Variants in ZNF423 observed in about 807,000 individuals in gnomAD.
ZNF423 encodes the protein zinc finger protein 423.
A neutral mutation model predicts 95.8 loss-of-function variants in ZNF423; 12 were observed. That is an observed-to-expected ratio of 0.13 (90% CI 0.08 to 0.20). The LOEUF (loss-of-function observed/expected upper bound fraction) is 0.20. Ranked by LOEUF, ZNF423 falls within the 10% of genes least tolerant of loss-of-function variation. The probability of loss-of-function intolerance (pLI) is 1.00; values close to 1 mark genes in which losing one functional copy is unlikely to be tolerated. For synonymous variants in ZNF423, 749 were observed against 711.9 expected, an observed-to-expected ratio of 1.05 and a Z score of -0.83; for missense variants, 1,316 against 1,737.1, an observed-to-expected ratio of 0.76 and a Z score of 4.31.
intron 4 of ZNF423, among the ~76,000 whole-genome samples, chr16:49,627,135 TAC>T (rs1163358325): frequency 7.0e-6 from 1 of 143,384 alleles, no homozygotes; most frequent in African/African-American, 2.6e-5. Flanking sequence ...TTCATCTACA[TAC>T]ACACCCACCT....
chr16:49,491,206 G>T lies in ZNF423; in HGVS notation c.*69C>A. On this transcript the variant is annotated 3_prime_UTR_variant, in exon 8 of 8. Transcript: ENST00000563137. The stretch of plus-strand genomic sequence containing the variant: ...AAATGACACTTTGATTGGATGTAAT[G>T]TTCAAATGGCCCTCCCCACGGCGTC... 1 of 1,596,160 alleles carries T rather than the reference G, an allele frequency of 6.3e-7. No individual in the cohort carries two copies. Among genetic ancestry groups the T allele is most frequent in the Non-Finnish European group, 8.6e-7 (1 of 1,164,080 alleles).
intron 2 of ZNF423, among the ~76,000 whole-genome samples, chr16:49,786,353 G>A (rs898037338): frequency 4.6e-5 from 7 of 152,342 alleles, no homozygotes; most frequent in Middle Eastern, 3.4e-3. Context: ...CACAAACTGC[G>A]CATTCTGCTT....
chr16:49,586,408 AT>A (rs1970836693), intron 5 of ZNF423, among the ~76,000 whole-genome samples: 1 of 152,238 alleles, frequency 6.6e-6, no homozygotes, highest in Non-Finnish European at 1.5e-5. Context: ...ACAAAAGGCG[AT>A]GATTATTTCA....
chr16:49,619,970 G>C (rs954386085), intron 5 of ZNF423, among the ~76,000 whole-genome samples: 8 of 152,136 alleles, frequency 5.3e-5, no homozygotes, highest in South Asian at 4.1e-4. Context: ...AATGCTGCAG[G>C]CTGGGCCTTC....
intron 1 of ZNF423, among the ~76,000 whole-genome samples, chr16:49,829,129 G>T (rs1490783569): frequency 6.6e-6 from 1 of 152,176 alleles, no homozygotes; most frequent in East Asian, 1.9e-4. Flanking sequence ...TGGTCAAGCC[G>T]GCTATTCCAG....
chr16:49,764,043 C>T (rs1003397627), intron 2 of ZNF423, among the ~76,000 whole-genome samples: 3 of 152,186 alleles, frequency 2.0e-5, no homozygotes, highest in African/African-American at 7.2e-5. Context: ...GGGGCTGTGT[C>T]TGTGAGTCAC....
chr16:49,769,802 C>A (rs1329978539), intron 2 of ZNF423, among the ~76,000 whole-genome samples: 1 of 151,206 alleles, frequency 6.6e-6, no homozygotes, highest in Non-Finnish European at 1.5e-5. Flanking sequence ...TCCAAGCCCA[C>A]CTCTCCCTCC....
intron 3 of ZNF423, among the ~76,000 whole-genome samples, chr16:49,709,677 T>G (rs1289789662): frequency 6.6e-6 from 1 of 152,126 alleles, no homozygotes; most frequent in Non-Finnish European, 1.5e-5. Context: ...TGGCGGGTGA[T>G]TAGGTCATGA....
At chr16:49,568,477 G>T (rs2151782372) in intron 5 of ZNF423, among the ~76,000 whole-genome samples, 1 of 152,190 alleles carries the variant, frequency 6.6e-6, no homozygotes. Flanking sequence ...TGGAGGCAGG[G>T]TTCCAGCTCT....
At chr16:49,620,270 C>T (rs555942751) in intron 5 of ZNF423, among the ~76,000 whole-genome samples, 1 of 152,106 alleles carries the variant, frequency 6.6e-6, no homozygotes, top group Admixed American at 6.5e-5. Context: ...ACACATGCCT[C>T]CCTCCAGGTT....
At chr16:49,536,618 T>C (rs1969065546) in intron 5 of ZNF423, among the ~76,000 whole-genome samples, 1 of 152,096 alleles carries the variant, frequency 6.6e-6, no homozygotes, top group African/African-American at 2.4e-5. Flanking sequence ...AGATTTTTAG[T>C]AGAGATGGGA....
chr16:49,832,240 T>G (rs1394694195), intron 1 of ZNF423, among the ~76,000 whole-genome samples: 1 of 152,098 alleles, frequency 6.6e-6, no homozygotes, highest in Non-Finnish European at 1.5e-5. Context: ...CTCCAGTAGA[T>G]TCCAAAATCG....
At chr16:49,793,407 C>T (rs1000092414) in intron 1 of ZNF423, among the ~76,000 whole-genome samples, 5 of 152,238 alleles carry the variant, frequency 3.3e-5, no homozygotes, top group African/African-American at 9.6e-5. Context: ...AACCCCAATC[C>T]GCACAGGGGC....
At chr16:49,763,023 A>G (rs1306862573) in intron 2 of ZNF423, among the ~76,000 whole-genome samples, 2 of 151,406 alleles carry the variant, frequency 1.3e-5, no homozygotes, top group Non-Finnish European at 2.9e-5. Flanking sequence ...ACACACCACC[A>G]TGCCTGGCTA....
At chr16:49,495,078 G>A (rs1279964380) in intron 7 of ZNF423, among the ~76,000 whole-genome samples, 2 of 152,216 alleles carry the variant, frequency 1.3e-5, no homozygotes, top group Non-Finnish European at 1.5e-5. Flanking sequence ...GGGAAGGACT[G>A]GAAAATGCCT....
intron 7 of ZNF423, among the ~76,000 whole-genome samples, chr16:49,513,535 C>T (rs1233847208): frequency 1.3e-5 from 2 of 152,150 alleles, no homozygotes; most frequent in African/African-American, 2.4e-5. Context: ...AATGGGCTCC[C>T]GGAATCTGTG....
intron 5 of ZNF423, among the ~76,000 whole-genome samples, chr16:49,567,862 T>G (rs1970241383): frequency 6.6e-6 from 1 of 152,152 alleles, no homozygotes; most frequent in African/African-American, 2.4e-5. Context: ...CTCTAAGTAC[T>G]CATTCCACTC....
At chr16:49,771,977 T>A (rs372895328) in intron 2 of ZNF423, among the ~76,000 whole-genome samples, 1 of 152,126 alleles carries the variant, frequency 6.6e-6, no homozygotes, top group African/African-American at 2.4e-5. Context: ...AGGGCCTGGA[T>A]CACACAGATG....
At chr16:49,579,695 C>T (rs1230954205) in intron 5 of ZNF423, among the ~76,000 whole-genome samples, 1 of 152,072 alleles carries the variant, frequency 6.6e-6, no homozygotes, top group Non-Finnish European at 1.5e-5. Flanking sequence ...GGGAATCCAG[C>T]CAGCCCCTGC....
Sources: allele counts gnomAD v4.1 joint callset (sites outside exome capture counted in the v4.1 genomes callset), GRCh38; gene constraint gnomAD v4.1.1; transcripts MANE v1.5; gene names NCBI Gene and HGNC (gene_info 2026-07-23, HGNC 2026-07-21).